The following SLC25A17 variants were observed in gnomAD, a reference collection of about 807,000 sequenced individuals.
The protein encoded by SLC25A17 is peroxisomal membrane protein PMP34.
SLC25A17 carries 26 observed loss-of-function variants against 38.5 expected under a neutral mutation model. That is an observed-to-expected ratio of 0.68 (90% CI 0.50 to 0.94). The LOEUF (loss-of-function observed/expected upper bound fraction) is 0.94, where lower values mean the gene tolerates loss of function less well. Ranked by LOEUF, SLC25A17 falls within the 40% of genes least tolerant of loss-of-function variation. The probability of loss-of-function intolerance (pLI) is 0.00; values close to 1 mark genes in which losing one functional copy is unlikely to be tolerated. For missense variants in SLC25A17, 333 were observed against 372.7 expected (o/e 0.89, Z 0.88); for synonymous variants, 139 against 136.2 (o/e 1.02, Z -0.14).
chr22:40,789,353 G>A lies in SLC25A17; in HGVS notation c.334+3172C>T, dbSNP rs945897637. On this transcript the variant is annotated intron_variant, in intron 4 of 8. Transcript: ENST00000435456. This position sits in a 1 kb window ranked among gnomAD's most constrained non-coding sequence, Gnocchi z 4.5. The stretch of plus-strand genomic sequence containing the variant: ...GACCAGCCACGGGGTGGGAAGGGGC[G>A]TGAGCTCTGTCTGCCGCGGGGGTGC... 39 of 152,752 alleles carry A rather than the reference G, an allele frequency of 2.6e-4. No homozygotes were observed. The highest frequency in any genetic ancestry group is 2.6e-4 in the Non-Finnish European group (18 of 68,324). The allele number at this position is 152,752 out of a possible 1,614,324, so 9.5% of individuals were successfully genotyped here.
chr22:40,801,128 CATATATATATATAT>C lies in SLC25A17; in HGVS notation c.55-2059_55-2046del, dbSNP rs60780380. On this transcript the variant is annotated intron_variant, in intron 1 of 8. Transcript: ENST00000435456. ...AAAGAAAAAAGAAAAAAATATATTA[CATATATATATATAT>C]ATATATATATATATATATATATATA... Among the ~76,000 whole-genome samples the C allele has an allele frequency of 9.3e-3, 938 of 101,176 alleles. 11 individuals carry two copies. Among genetic ancestry groups the C allele is most frequent in the South Asian group, 0.011 (32 of 2,962 alleles). The allele number at this position is 101,176 out of a possible 152,430, so 66.4% of individuals were successfully genotyped here.
At chr22:40,772,739 T>A (rs893530324) in intron 8 of SLC25A17, among the ~76,000 whole-genome samples, 2 of 151,882 alleles carry the variant, frequency 1.3e-5, no homozygotes, top group Non-Finnish European at 2.9e-5. Context: ...CGGGCTCAAG[T>A]GAATCTCCTG....
In SLC25A17 at chr22:40,771,052, C is replaced by T. The variant is rs548564593; in HGVS notation, c.777-71G>A. On this transcript the variant is annotated intron_variant, in intron 8 of 8. Transcript: ENST00000435456. ...AGAGAACATGCTACCTAGATAGCTA[C>T]TTTGATAAGAACAAGCAATAGAGGT... 5 of 1,311,688 alleles carry T rather than the reference C, an allele frequency of 3.8e-6. No individual in the cohort carries two copies. The African/African-American group carries it at 4.4e-5, about 12-fold the overall frequency. The allele number at this position is 1,311,688 out of a possible 1,614,324, so 81.3% of individuals were successfully genotyped here.
intron 1 of SLC25A17, among the ~76,000 whole-genome samples, chr22:40,817,721 A>G (rs2057656960): frequency 6.6e-6 from 1 of 151,906 alleles, no homozygotes; most frequent in Admixed American, 6.6e-5. Flanking sequence ...CTTACATTCT[A>G]CTCTCAACAC....
At chr22:40,773,397 G>A (rs1478457155) in intron 8 of SLC25A17, among the ~76,000 whole-genome samples, 9 of 130,306 alleles carry the variant, frequency 6.9e-5, no homozygotes, top group Non-Finnish European at 7.7e-5. Context: ...GCAACAGAGC[G>A]AGACTCTGTC....
chr22:40,797,832 C>T (rs1602613282), intron 2 of SLC25A17, among the ~76,000 whole-genome samples: 1 of 152,216 alleles, frequency 6.6e-6, no homozygotes, highest in East Asian at 1.9e-4. Context: ...TATGCCCGGC[C>T]AGCCCTTCCT....
intron 4 of SLC25A17, chr22:40,788,955 C>T: frequency 3.1e-6 from 1 of 321,008 alleles, no homozygotes; most frequent in South Asian, 3.8e-5. Flanking sequence ...CAACAACGGC[C>T]ACACTCAGGA....
intron 1 of SLC25A17, among the ~76,000 whole-genome samples, chr22:40,809,079 T>C (rs957979099): frequency 1.3e-5 from 2 of 152,134 alleles, no homozygotes; most frequent in Non-Finnish European, 2.9e-5. Flanking sequence ...AGCTTATGTA[T>C]GTTAACATGT....
chr22:40,779,549 A>G, intron 4 of SLC25A17: 1 of 306,336 alleles, frequency 3.3e-6, no homozygotes, highest in South Asian at 5.9e-5. Context: ...CTCTTACTTA[A>G]GTAGCTCACA....
At chr22:40,814,789 AT>A (rs1376770201) in intron 1 of SLC25A17, among the ~76,000 whole-genome samples, 7 of 110,338 alleles carry the variant, frequency 6.3e-5, no homozygotes, top group East Asian at 2.5e-4. Context: ...ATATATATAT[AT>A]TGTTGTTGTT....
In SLC25A17 at chr22:40,814,754, A is replaced by AATATATAT. The variant is rs10527651; in HGVS notation, c.54+4433_54+4440dup. Among the ~76,000 whole-genome samples, 1,203 of 134,932 alleles carry AATATATAT rather than the reference A, an allele frequency of 8.9e-3. 5 individuals carry two copies. The highest frequency in any genetic ancestry group is 0.011 in the Non-Finnish European group (726 of 63,436). 88.5% of individuals were successfully genotyped at this position (134,932 alleles called of 152,430 possible). ...GGATGAGGAAAGGCAGTACGTGCAG[A>AATATATAT]ATATATATATATATATATATATATA... On this transcript the variant is annotated intron_variant, in intron 1 of 8. Coordinates refer to ENST00000435456, the MANE Select transcript of SLC25A17 (RefSeq NM_006358.4).
chr22:40,809,525 G>A (rs1326899031), intron 1 of SLC25A17, among the ~76,000 whole-genome samples: 1 of 151,870 alleles, frequency 6.6e-6, no homozygotes, highest in Non-Finnish European at 1.5e-5. Flanking sequence ...CCAGCTACTT[G>A]GGAAGCTGAA....
At chr22:40,776,298 T>A (rs1288627582) in intron 7 of SLC25A17, 2 of 469,230 alleles carry the variant, frequency 4.3e-6, no homozygotes, top group South Asian at 3.1e-5. Context: ...AATATTTGAA[T>A]GGATAAATAA....
At chr22:40,777,771 G>A (rs981982908) in intron 5 of SLC25A17, among the ~76,000 whole-genome samples, 1 of 143,412 alleles carries the variant, frequency 7.0e-6, no homozygotes, top group African/African-American at 2.6e-5. Flanking sequence ...GACAGAGCAA[G>A]ACTCCATTTC....
intron 3 of SLC25A17, 52 bp from the exon 4 acceptor site, chr22:40,792,728 T>A: frequency 6.3e-7 from 1 of 1,594,200 alleles, no homozygotes; most frequent in Non-Finnish European, 8.6e-7. Context: ...AATTAGAAAT[T>A]GGCAGAGAAA....
rs898438521 is a variant in SLC25A17 at position 40,778,111 on chromosome 22, A to G, written c.452-738T>C. On this transcript the variant is annotated intron_variant, in intron 5 of 8. Coordinates refer to ENST00000435456, the MANE Select transcript of SLC25A17 (RefSeq NM_006358.4). ...CACTACAAAGATTGATGTATGGGAAAGGAGAACCTGGCAATGTGGTACTAT... is the reference window on the plus strand; with the variant it reads ...CACTACAAAGATTGATGTATGGGAAGGGAGAACCTGGCAATGTGGTACTAT... Among the ~76,000 whole-genome samples, 5 of 152,358 alleles carry G rather than the reference A, an allele frequency of 3.3e-5. No homozygotes were observed. The East Asian group carries it at 9.6e-4, about 29-fold the overall frequency.
chr22:40,788,414 C>T (rs1028049837), intron 4 of SLC25A17, among the ~76,000 whole-genome samples: 9 of 152,112 alleles, frequency 5.9e-5, no homozygotes, highest in African/African-American at 1.2e-4. Context: ...AACACTGGGC[C>T]GGGCGTTGCG....
chr22:40,812,730 A>G (rs2057595557), intron 1 of SLC25A17, among the ~76,000 whole-genome samples: 1 of 152,180 alleles, frequency 6.6e-6, no homozygotes, highest in Admixed American at 6.5e-5. Flanking sequence ...TTTTAAAGCC[A>G]GACACGGTGG....
At chr22:40,773,415 A>G (rs1456157287) in intron 8 of SLC25A17, among the ~76,000 whole-genome samples, 1 of 150,908 alleles carries the variant, frequency 6.6e-6, no homozygotes, top group African/African-American at 2.4e-5. Context: ...GTCTCCAAAA[A>G]AAAAAAAAAA....
Sources: gnomAD v4.1 joint callset for allele counts (sites outside exome capture counted in the v4.1 genomes callset) on GRCh38, gnomAD v4.1.1 for gene constraint, Gnocchi (gnomAD v3.1) non-coding constraint, MANE v1.5 for transcripts, NCBI Gene and HGNC (gene_info 2026-07-23, HGNC 2026-07-21) for gene names.